RHBDD1: variants seen among roughly 807,000 people sequenced by gnomAD.
The protein encoded by RHBDD1 is rhomboid domain containing 1, also known as rhomboid-related protein 4.
In RHBDD1, 38 loss-of-function variants were observed where a neutral mutation model predicts 36.3. The ratio of observed to expected loss-of-function variants is 1.05; its 90% confidence interval spans 0.81 to 1.37. RHBDD1 has a LOEUF of 1.37. Among genes scored for constraint, RHBDD1 ranks in the 40% most tolerant of loss-of-function variants. The probability of loss-of-function intolerance (pLI) is 0.00; values close to 1 mark genes in which losing one functional copy is unlikely to be tolerated. For missense variants in RHBDD1, 393 were observed against 377.6 expected, an observed-to-expected ratio of 1.04 and a Z score of -0.34; for synonymous variants, 151 against 136.5, an observed-to-expected ratio of 1.11 and a Z score of -0.74.
At chr2:226,835,394 C>T (rs1011439497), upstream of RHBDD1, among the ~76,000 whole-genome samples, 2 of 152,234 alleles carry the variant, frequency 1.3e-5, no homozygotes, top group Non-Finnish European at 1.5e-5. Context: ...TCAAAATGGG[C>T]AAACGTTGCG....
intron 4 of RHBDD1, among the ~76,000 whole-genome samples, chr2:226,866,324 C>G (rs1400928194): frequency 1.3e-5 from 2 of 152,302 alleles, no homozygotes; most frequent in South Asian, 4.1e-4. Context: ...CCCACCTTGG[C>G]CTCCCAAAGT....
chr2:226,991,403 A>G (rs1366475802), intron 8 of RHBDD1, among the ~76,000 whole-genome samples: 5 of 152,096 alleles, frequency 3.3e-5, no homozygotes, highest in Non-Finnish European at 5.9e-5. Flanking sequence ...GATGGTCTCA[A>G]TCTCCTGACC....
chr2:226,884,913 T>G (rs1452005333), intron 5 of RHBDD1, among the ~76,000 whole-genome samples: 1 of 152,138 alleles, frequency 6.6e-6, no homozygotes, highest in Non-Finnish European at 1.5e-5. Flanking sequence ...AGTAGGCTGC[T>G]TTTGATAAAG....
rs555070566 is a variant in RHBDD1 at position 226,971,069 on chromosome 2, A to ATTTTATAGT, written c.857-24359_857-24351dup. ...CTTAATTAAATGTTTACTACTTTTA[A>ATTTTATAGT]TTTTATAGTTTCTGTTTCATTTTGG... On this transcript the variant is annotated intron_variant, in intron 8 of 8. Transcript: ENST00000392062. 2.6e-3 allele frequency among the ~76,000 whole-genome samples: 394 copies of ATTTTATAGT among 152,268 alleles called. 3 individuals carry two copies. Among genetic ancestry groups the ATTTTATAGT allele is most frequent in the Non-Finnish European group, 1.4e-3 (97 of 68,020 alleles).
chr2:226,867,963 G>T (rs1012079853), intron 5 of RHBDD1, among the ~76,000 whole-genome samples: 4 of 151,932 alleles, frequency 2.6e-5, no homozygotes, highest in African/African-American at 9.7e-5. Context: ...GTGATCTGCC[G>T]GCCTTGGCCT....
upstream of RHBDD1, chr2:226,835,496 C>T (rs1211544819): frequency 6.6e-6 from 1 of 152,244 alleles, no homozygotes; most frequent in Non-Finnish European, 1.5e-5. Context: ...GATAAGCCGC[C>T]CTCCGGTTGT....
At chr2:226,982,782 T>G (rs1050889805) in intron 8 of RHBDD1, among the ~76,000 whole-genome samples, 1 of 152,238 alleles carries the variant, frequency 6.6e-6, no homozygotes, top group African/African-American at 2.4e-5. Flanking sequence ...CAAGCATTTA[T>G]GATGCACCCA....
At chr2:226,923,414 T>C (rs1949459925) in intron 8 of RHBDD1, among the ~76,000 whole-genome samples, 1 of 152,158 alleles carries the variant, frequency 6.6e-6, no homozygotes, top group African/African-American at 2.4e-5. Flanking sequence ...TGTATGTTAT[T>C]TGTTTCTTTT....
chr2:226,981,822 G>C (rs1253509251), intron 8 of RHBDD1, among the ~76,000 whole-genome samples: 2 of 152,304 alleles, frequency 1.3e-5, no homozygotes, highest in East Asian at 1.9e-4. Context: ...GAATTTCTCA[G>C]CTCTGGGGTG....
At chr2:226,825,928 G>A in the RHBDD1 span, among the ~76,000 whole-genome samples, 154 of 152,264 alleles carry the variant, frequency 1.0e-3, 1 homozygote, top group African/African-American at 3.5e-3. Flanking sequence ...AACAGTTATC[G>A]GGTATCGAGA....
rs181444034 is a variant in RHBDD1 at position 226,934,313 on chromosome 2, A to G, written c.856+19962A>G. 7.2e-5 allele frequency among the ~76,000 whole-genome samples: 11 copies of G among 152,268 alleles called. No individual in the cohort carries two copies. In the East Asian group the frequency reaches 1.5e-3, roughly 21 times the overall value. ...ATATAGCCTATATGTGTAGTAGGCT[A>G]TGCCATGTAGGTTTGTGTAACTACA... On this transcript the variant is annotated intron_variant, in intron 8 of 8. Transcript: ENST00000392062.
At chr2:226,914,396 T>C (rs1398712595) in intron 8 of RHBDD1, 45 bp downstream of exon 8, 3 of 1,569,262 alleles carry the variant, frequency 1.9e-6, no homozygotes, top group Non-Finnish European at 2.6e-6. Context: ...ATACCTCATG[T>C]GGTAAGGTAG....
At chr2:226,906,673 T>A (rs978909) in intron 5 of RHBDD1, 120 bp from the exon 6 acceptor site, 6 of 1,559,948 alleles carry the variant, frequency 3.8e-6, no homozygotes, top group Non-Finnish European at 5.2e-6. Context: ...CATAAAAGAC[T>A]TGATGTGGAA....
At chr2:226,960,217 C>T (rs553675042) in intron 8 of RHBDD1, among the ~76,000 whole-genome samples, 21 of 152,204 alleles carry the variant, frequency 1.4e-4, no homozygotes, top group African/African-American at 4.6e-4. Flanking sequence ...GAGGTCCTCC[C>T]TATCCTCCCC....
chr2:226,882,699 C>T (rs567075680), intron 5 of RHBDD1, among the ~76,000 whole-genome samples: 16 of 152,064 alleles, frequency 1.1e-4, no homozygotes, highest in South Asian at 2.1e-4. Flanking sequence ...TATCCCAGAA[C>T]GCCATCTGGC....
chr2:226,837,032 A>G (rs760609232), intron 1 of RHBDD1, among the ~76,000 whole-genome samples: 7 of 152,218 alleles, frequency 4.6e-5, no homozygotes, highest in South Asian at 2.1e-4. Context: ...AATCAGAAAT[A>G]TATTTTAACA....
chr2:226,846,327 AG>A, intron 3 of RHBDD1, among the ~76,000 whole-genome samples: 2 of 152,370 alleles, frequency 1.3e-5, no homozygotes, highest in East Asian at 3.9e-4. Flanking sequence ...AAGGAAAAAT[AG>A]GGGCATATTT....
intron 4 of RHBDD1, among the ~76,000 whole-genome samples, chr2:226,865,713 C>G (rs1293267485): frequency 6.6e-6 from 1 of 152,212 alleles, no homozygotes; most frequent in Non-Finnish European, 1.5e-5. Context: ...CAGCCAGGTA[C>G]AAACCTAGGA....
chr2:226,904,152 G>A (rs12622456), intron 5 of RHBDD1, among the ~76,000 whole-genome samples: 73,654 of 151,930 alleles, frequency 0.48, 18,800 homozygotes, highest in African/African-American at 0.66. Flanking sequence ...TGCCTTTGTG[G>A]AAAGGCAGAG....
Sources: gnomAD v4.1 joint callset for allele counts (sites outside exome capture counted in the v4.1 genomes callset) on GRCh38, gnomAD v4.1.1 for gene constraint, MANE v1.5 for transcripts, NCBI Gene and HGNC (gene_info 2026-07-23, HGNC 2026-07-21) for gene names.